The following RBMS3 variants were observed in gnomAD, a reference collection of about 807,000 sequenced individuals.
RBMS3 encodes the protein RNA binding motif single stranded interacting protein 3.
A neutral mutation model predicts 66.8 loss-of-function variants in RBMS3; 27 were observed. The ratio of observed to expected loss-of-function variants is 0.40; its 90% CI spans 0.30 to 0.56. The LOEUF (loss-of-function observed/expected upper bound fraction) is 0.56. RBMS3 is among the 20% of genes least tolerant of loss of function. The pLI, the probability that RBMS3 is intolerant of heterozygous loss-of-function variation, is 0.40. For synonymous variants in RBMS3, 188 were observed against 183.0 expected (o/e 1.03, Z -0.22); for missense variants, 513 against 549.5 (o/e 0.93, Z 0.66).
chr3:29,954,072 T>C (rs972281526), intron 12 of RBMS3, among the ~76,000 whole-genome samples: 1 of 151,858 alleles, frequency 6.6e-6, no homozygotes, highest in Non-Finnish European at 1.5e-5. Flanking sequence ...TTATTCAATA[T>C]ATATTTATTC....
chr3:29,557,524 C>T (rs117276363), intron 3 of RBMS3, among the ~76,000 whole-genome samples: 58 of 152,256 alleles, frequency 3.8e-4, no homozygotes, highest in East Asian at 7.7e-4. Flanking sequence ...TTGCTTGGAA[C>T]GAAGGATTTT....
At chr3:29,985,195 C>G (rs1267361864) in intron 12 of RBMS3, among the ~76,000 whole-genome samples, 1 of 152,200 alleles carries the variant, frequency 6.6e-6, no homozygotes, top group East Asian at 1.9e-4. Context: ...GGAAAACAGC[C>G]TGCTCAAGCC....
At chr3:29,909,093 G>A (rs1399142175) in intron 10 of RBMS3, among the ~76,000 whole-genome samples, 2 of 151,970 alleles carry the variant, frequency 1.3e-5, no homozygotes, top group Non-Finnish European at 2.9e-5. Flanking sequence ...TATTTCAAAG[G>A]GGACTACGGG....
intron 2 of RBMS3, among the ~76,000 whole-genome samples, chr3:29,474,618 AAGGCAC>A (rs1404294100): frequency 6.6e-6 from 1 of 152,242 alleles, no homozygotes; most frequent in African/African-American, 2.4e-5. Flanking sequence ...ACAGACAAGG[AAGGCAC>A]AATTTATGTT....
At chr3:29,431,015 G>T (rs2041165966) in intron 1 of RBMS3, among the ~76,000 whole-genome samples, 1 of 152,150 alleles carries the variant, frequency 6.6e-6, no homozygotes, top group Admixed American at 6.5e-5. Context: ...TGTAAAAGAG[G>T]TAGAGCTTAA....
chr3:29,496,219 A>G (rs1239348293), intron 3 of RBMS3, among the ~76,000 whole-genome samples: 2 of 151,420 alleles, frequency 1.3e-5, no homozygotes, highest in African/African-American at 4.8e-5. Flanking sequence ...AAAAAGAAAA[A>G]AAGAAAAGAC....
chr3:29,288,877 C>A (rs557405873), intron 1 of RBMS3, among the ~76,000 whole-genome samples: 1 of 152,062 alleles, frequency 6.6e-6, no homozygotes, highest in Non-Finnish European at 1.5e-5. Flanking sequence ...GGAAATAACT[C>A]CCCAAGGGCA....
chr3:29,663,765 AT>A (rs202228610), intron 4 of RBMS3, among the ~76,000 whole-genome samples: 1 of 151,054 alleles, frequency 6.6e-6, no homozygotes, highest in East Asian at 1.9e-4. Flanking sequence ...TTAAAAAAAA[AT>A]TATATTTCAG....
chr3:29,494,338 C>T (rs959303676), intron 3 of RBMS3, among the ~76,000 whole-genome samples: 2 of 152,116 alleles, frequency 1.3e-5, no homozygotes, highest in Non-Finnish European at 2.9e-5. Context: ...TTTTTTATTC[C>T]GGAAGGGGTT....
chr3:29,716,184 A>G (rs955924715), intron 4 of RBMS3, among the ~76,000 whole-genome samples: 3 of 152,152 alleles, frequency 2.0e-5, no homozygotes, highest in Non-Finnish European at 4.4e-5. Context: ...AACACATTAA[A>G]TTTGTAATTC....
chr3:29,862,864 GA>G (rs5847603), intron 6 of RBMS3, among the ~76,000 whole-genome samples: 2,639 of 91,346 alleles, frequency 0.029, 34 homozygotes, highest in Non-Finnish European at 0.046. Flanking sequence ...AAAGAAAAAA[GA>G]AAAAAAAAAA....
intron 10 of RBMS3, among the ~76,000 whole-genome samples, chr3:29,912,569 A>G (rs2060542799): frequency 6.6e-6 from 1 of 152,072 alleles, no homozygotes; most frequent in Admixed American, 6.6e-5. Flanking sequence ...CAACTGTGTT[A>G]TTCAGCGTAG....
chr3:29,573,076 G>A (rs1474747778), intron 3 of RBMS3, among the ~76,000 whole-genome samples: 1 of 152,024 alleles, frequency 6.6e-6, no homozygotes, highest in Non-Finnish European at 1.5e-5. Flanking sequence ...AGCCATTAAT[G>A]ATCCTTTAAA....
chr3:29,341,049 C>A (rs1575577602), intron 1 of RBMS3, among the ~76,000 whole-genome samples: 1 of 151,798 alleles, frequency 6.6e-6, no homozygotes, highest in Non-Finnish European at 1.5e-5. Context: ...TTAAGGAGAG[C>A]CAGCCACTAG....
At position 29,587,212 on chromosome 3, in the gene RBMS3, T is replaced by C. The variant is rs369245257; in HGVS notation, c.399+7T>C. Reference sequence around the variant, plus strand: ...GCAGGCACAGATGGCTAAGGTAAGATTGATGTTTAGGGGTGTTTTTTTTTT... The same window carrying C: ...GCAGGCACAGATGGCTAAGGTAAGACTGATGTTTAGGGGTGTTTTTTTTTT... On this transcript the variant is annotated splice_region_variant and intron_variant, in intron 4 of 14. Coordinates refer to ENST00000383767, the MANE Select transcript of RBMS3 (RefSeq NM_001003793.3). 3.0e-5 allele frequency: 46 copies of C among 1,527,570 alleles called. No individual in the cohort carries two copies. In the South Asian group the frequency reaches 4.0e-4, roughly 13 times the overall value. 94.6% of individuals were successfully genotyped at this position (1,527,570 alleles called of 1,614,324 possible). A position where few individuals can be genotyped will look rare whatever the true frequency, so the allele number is the denominator to read the frequency against.
chr3:29,708,261 CTT>C (rs1433396030), intron 4 of RBMS3, among the ~76,000 whole-genome samples: 5 of 152,128 alleles, frequency 3.3e-5, no homozygotes, highest in African/African-American at 9.7e-5. Context: ...CTGATTATCT[CTT>C]GTTTTCATTT....
rs114507774 is a variant in RBMS3 at position 29,525,101 on chromosome 3, A to G, written c.307+36602A>G. ...CTTCAGGCCACAGAGAGCAAAGTAA[A>G]GCATCTGAAATACATTTACCTTTTT... is the stretch of plus-strand genomic sequence containing the variant. On this transcript the variant is annotated intron_variant, in intron 3 of 14. Coordinates refer to ENST00000383767, the MANE Select transcript of RBMS3 (RefSeq NM_001003793.3). Among the ~76,000 whole-genome samples, 864 of 152,234 alleles carry G rather than the reference A, an allele frequency of 5.7e-3. 10 individuals are homozygous for G. Among genetic ancestry groups the G allele is most frequent in the African/African-American group, 0.019 (796 of 41,540 alleles).
intron 1 of RBMS3, among the ~76,000 whole-genome samples, chr3:29,313,461 G>C (rs2034498670): frequency 6.6e-6 from 1 of 151,642 alleles, no homozygotes; most frequent in Admixed American, 6.6e-5. Context: ...CCAAATTCCA[G>C]TCTGGGACTT....
intron 12 of RBMS3, among the ~76,000 whole-genome samples, chr3:29,980,773 C>A (rs2149781756): frequency 6.6e-6 from 1 of 152,240 alleles, no homozygotes. Flanking sequence ...GGCCTCTGTT[C>A]TTTTCCCTTG....
Sources: gnomAD v4.1 joint callset for allele counts (sites outside exome capture counted in the v4.1 genomes callset) on GRCh38, gnomAD v4.1.1 for gene constraint, MANE v1.5 for transcripts, NCBI Gene and HGNC (gene_info 2026-07-23, HGNC 2026-07-21) for gene names.